The following NPAS3 variants were observed in gnomAD, a reference collection of about 807,000 sequenced individuals.
NPAS3 encodes neuronal PAS domain protein 3.
A neutral mutation model predicts 73.1 loss-of-function variants in NPAS3; 14 were observed. The observed-to-expected ratio is 0.19, with a 90% CI of 0.13 to 0.30. The LOEUF (loss-of-function observed/expected upper bound fraction) is 0.30. Ranked by LOEUF, NPAS3 falls within the 10% of genes least tolerant of loss-of-function variation. The probability of loss-of-function intolerance (pLI) is 1.00; values close to 1 mark genes in which losing one functional copy is unlikely to be tolerated. For synonymous variants in NPAS3, 620 were observed against 541.5 expected (o/e 1.14, Z -2.01); for missense variants, 1,096 against 1,250.0 (o/e 0.88, Z 1.86).
At chr14:33,736,034 C>T (rs2140653924) in intron 7 of NPAS3, among the ~76,000 whole-genome samples, 1 of 152,234 alleles carries the variant, frequency 6.6e-6, no homozygotes, top group African/African-American at 2.4e-5. Context: ...TCATGAAATG[C>T]CTTTGGCAAC....
At chr14:33,469,715 G>A (rs2050696726) in intron 4 of NPAS3, among the ~76,000 whole-genome samples, 1 of 152,024 alleles carries the variant, frequency 6.6e-6, no homozygotes, top group African/African-American at 2.4e-5. Context: ...TTCCTGTTCT[G>A]AACACTCTCT....
intron 5 of NPAS3, among the ~76,000 whole-genome samples, chr14:33,644,366 T>C (rs2140199314): frequency 6.6e-6 from 1 of 152,320 alleles, no homozygotes; most frequent in East Asian, 1.9e-4. Flanking sequence ...TACACACATT[T>C]TGAACCCAAA....
chr14:33,141,416 T>A (rs1345107002), intron 2 of NPAS3, among the ~76,000 whole-genome samples: 1 of 152,164 alleles, frequency 6.6e-6, no homozygotes, highest in Admixed American at 6.5e-5. Flanking sequence ...ACTTCCTCCA[T>A]GATTATCAAA....
In NPAS3 at chr14:33,747,785, G is replaced by C. The variant is rs1595545234; in HGVS notation, c.852+12453G>C. ...CAGCATTTACATATCCCTTCTATCA[G>C]GGCTTTCACATCTGCTTTTTATTCT... is the stretch of plus-strand genomic sequence containing the variant. On this transcript the variant is annotated intron_variant, in intron 7 of 11. Transcript: ENST00000356141. Among the ~76,000 whole-genome samples, 3 of 152,268 alleles carry C rather than the reference G, an allele frequency of 2.0e-5. No individual in the cohort carries two copies. In the East Asian group the frequency reaches 5.8e-4, roughly 29 times the overall value.
At chr14:32,948,910 T>C (rs182262774) in intron 1 of NPAS3, among the ~76,000 whole-genome samples, 204 of 152,192 alleles carry the variant, frequency 1.3e-3, no homozygotes, top group African/African-American at 4.7e-3. Context: ...AGGGAAAATG[T>C]AGGGCTCAGG....
chr14:33,607,231 A>G (rs899530738), intron 5 of NPAS3, among the ~76,000 whole-genome samples: 3 of 152,232 alleles, frequency 2.0e-5, no homozygotes, highest in Non-Finnish European at 2.9e-5. Context: ...TGTTCACAGT[A>G]GCTTTGTTTG....
At chr14:33,663,024 A>G (rs1483081996) in intron 5 of NPAS3, among the ~76,000 whole-genome samples, 4 of 151,762 alleles carry the variant, frequency 2.6e-5, no homozygotes, top group Non-Finnish European at 5.9e-5. Flanking sequence ...TCATCTGCAA[A>G]CAGACAATAT....
intron 2 of NPAS3, among the ~76,000 whole-genome samples, chr14:33,170,498 G>C (rs2045349927): frequency 6.6e-6 from 1 of 152,102 alleles, no homozygotes; most frequent in Non-Finnish European, 1.5e-5. Context: ...TGATTGATTT[G>C]ACCTTTCATT....
rs1325276291 is a variant in NPAS3 at position 32,991,378 on chromosome 14, TG to T, written c.50+52014del. 2.0e-5 allele frequency among the ~76,000 whole-genome samples: 3 copies of T among 152,260 alleles called. No homozygotes were observed. The South Asian group carries it at 6.2e-4, about 32-fold the overall frequency. The stretch of plus-strand genomic sequence containing the variant: ...GATTCTCAAGGGATACCTGGCCCTT[TG>T]GTAAAACGCAGCATTGATGTCTTTA... On this transcript the variant is annotated intron_variant, in intron 1 of 11. Coordinates refer to ENST00000356141, the Ensembl canonical transcript of NPAS3.
intron 2 of NPAS3, among the ~76,000 whole-genome samples, chr14:33,186,319 A>G (rs1447586238): frequency 6.6e-6 from 1 of 152,192 alleles, no homozygotes; most frequent in Non-Finnish European, 1.5e-5. Flanking sequence ...ATTATCTTAT[A>G]GTGTTGAGGG....
intron 4 of NPAS3, among the ~76,000 whole-genome samples, chr14:33,455,462 T>A (rs1014326806): frequency 2.6e-5 from 4 of 152,212 alleles, no homozygotes; most frequent in African/African-American, 9.6e-5. Flanking sequence ...GGCAGTTTCA[T>A]ATCATTCCTA....
At chr14:33,201,910 G>T (rs2046633915) in intron 2 of NPAS3, among the ~76,000 whole-genome samples, 2 of 152,050 alleles carry the variant, frequency 1.3e-5, no homozygotes, top group Non-Finnish European at 2.9e-5. Context: ...TTACTTTAAT[G>T]ATTTGTTCAA....
chr14:33,725,312 A>C (rs917886779), intron 6 of NPAS3, among the ~76,000 whole-genome samples: 1 of 152,130 alleles, frequency 6.6e-6, no homozygotes, highest in African/African-American at 2.4e-5. Flanking sequence ...TTATTACCAC[A>C]TAGTAAGCTA....
chr14:33,308,527 T>TATATATATACACACACACAC, intron 3 of NPAS3, among the ~76,000 whole-genome samples: 36 of 103,728 alleles, frequency 3.5e-4, no homozygotes, highest in East Asian at 8.6e-4. Flanking sequence ...TATATATATA[T>TATATATATACACACACACAC]ACATACACAC....
intron 2 of NPAS3, among the ~76,000 whole-genome samples, chr14:33,198,063 T>TGTTCCTCCCGTCCAGAGTTGTTC (rs2046444742): frequency 1.0e-5 from 1 of 95,816 alleles, no homozygotes; most frequent in Non-Finnish European, 2.3e-5. Flanking sequence ...TAGAGTTGTT[T>TGTTCCTCCCGTCCAGAGTTGTTC]GTTCCTCCCG....
intron 1 of NPAS3, among the ~76,000 whole-genome samples, chr14:32,976,152 T>C (rs752520155): frequency 2.6e-5 from 4 of 152,088 alleles, no homozygotes; most frequent in Non-Finnish European, 4.4e-5. Flanking sequence ...AATCTAAAGG[T>C]ACTCCAAACA....
At chr14:33,397,782 A>G (rs564785586) in intron 4 of NPAS3, among the ~76,000 whole-genome samples, 2 of 152,276 alleles carry the variant, frequency 1.3e-5, no homozygotes, top group South Asian at 2.1e-4. Context: ...GCCTCCAGCC[A>G]CAGCTCATGC....
intron 6 of NPAS3, among the ~76,000 whole-genome samples, chr14:33,679,575 TAGTTGGGAA>T (rs2059875572): frequency 6.6e-6 from 1 of 152,206 alleles, no homozygotes; most frequent in South Asian, 2.1e-4. Context: ...CGGTGTAATT[TAGTTGGGAA>T]AGGGATATTG....
intron 5 of NPAS3, among the ~76,000 whole-genome samples, chr14:33,591,946 C>T (rs1000819464): frequency 6.6e-6 from 1 of 152,166 alleles, no homozygotes; most frequent in African/African-American, 2.4e-5. Context: ...TCCCCAGACA[C>T]CCTTACCTGG....
Sources: allele counts gnomAD v4.1 joint callset (sites outside exome capture counted in the v4.1 genomes callset), GRCh38; gene constraint gnomAD v4.1.1; transcripts MANE v1.5; gene names NCBI Gene and HGNC (gene_info 2026-07-23, HGNC 2026-07-21).